Variants in WASL observed in about 807,000 individuals in gnomAD.
The protein encoded by WASL is actin nucleation-promoting factor WASL.
In WASL, 20 loss-of-function variants were observed where a neutral mutation model predicts 55.5. The observed-to-expected ratio is 0.36, with a 90% CI of 0.25 to 0.52. The LOEUF is 0.52. Among genes scored for constraint, WASL ranks in the 20% least tolerant of loss-of-function variants. The probability of loss-of-function intolerance (pLI) is 0.92; values close to 1 mark genes in which losing one functional copy is unlikely to be tolerated. For synonymous variants in WASL, 249 were observed against 217.6 expected, an observed-to-expected ratio of 1.14 and a Z score of -1.27; for missense variants, 504 against 622.5, an observed-to-expected ratio of 0.81 and a Z score of 2.03.
At chr7:123,689,180 A>G in intron 9 of WASL, 30 bp from the exon 10 acceptor site, 1 of 1,572,696 alleles carries the variant, frequency 6.4e-7, no homozygotes, top group Non-Finnish European at 8.7e-7. Context: ...AAAACTCAGT[A>G]ATAAATCTTT....
At chr7:123,720,144 T>C (rs1005937952) in intron 1 of WASL, among the ~76,000 whole-genome samples, 3 of 152,200 alleles carry the variant, frequency 2.0e-5, no homozygotes, top group Admixed American at 6.5e-5. Context: ...GTAACGTGTT[T>C]GATCTATTTA....
At chr7:123,711,406 T>C (rs1803755644) in intron 1 of WASL, among the ~76,000 whole-genome samples, 1 of 152,172 alleles carries the variant, frequency 6.6e-6, no homozygotes, top group African/African-American at 2.4e-5. Context: ...TACTGCATTA[T>C]AAACATTAAA....
At chr7:123,717,625 T>C (rs1482148769) in intron 1 of WASL, among the ~76,000 whole-genome samples, 1 of 152,156 alleles carries the variant, frequency 6.6e-6, no homozygotes, top group Non-Finnish European at 1.5e-5. Flanking sequence ...TCCAAACAAA[T>C]GAGATGTAAA....
At chr7:123,688,847 CAG>C (rs1803344915) in intron 10 of WASL, among the ~76,000 whole-genome samples, 193 bp downstream of exon 10, 1 of 152,130 alleles carries the variant, frequency 6.6e-6, no homozygotes, top group South Asian at 2.1e-4. Context: ...TGTTAAGTCT[CAG>C]AGAGACTAGT....
At chr7:123,740,223 A>G (rs1804314334) in intron 1 of WASL, among the ~76,000 whole-genome samples, 1 of 151,928 alleles carries the variant, frequency 6.6e-6, no homozygotes, top group Admixed American at 6.6e-5. Context: ...TATCTTTTAT[A>G]TATATATCTT....
At chr7:123,723,629 C>G (rs1299566169) in intron 1 of WASL, among the ~76,000 whole-genome samples, 1 of 152,174 alleles carries the variant, frequency 6.6e-6, no homozygotes, top group Non-Finnish European at 1.5e-5. Flanking sequence ...TAAGCTCAAT[C>G]AATTAAATTA....
intron 1 of WASL, among the ~76,000 whole-genome samples, chr7:123,746,498 G>A (rs532407957): frequency 1.3e-5 from 2 of 152,230 alleles, no homozygotes; most frequent in South Asian, 4.1e-4. Context: ...AGCCAAGGGA[G>A]GAAAAGATTA....
intron 5 of WASL, among the ~76,000 whole-genome samples, chr7:123,700,101 G>A (rs1382653770): frequency 3.5e-5 from 5 of 141,484 alleles, no homozygotes; most frequent in Non-Finnish European, 6.1e-5. Context: ...GCGTGAACCC[G>A]GGAGGAGGAG....
intron 1 of WASL, among the ~76,000 whole-genome samples, chr7:123,730,388 A>G (rs1804117263): frequency 1.3e-5 from 2 of 152,196 alleles, no homozygotes; most frequent in South Asian, 4.1e-4. Context: ...GCTTTTAGAT[A>G]AATAAAATTA....
chr7:123,729,240 TAAATG>T (rs1180087491), intron 1 of WASL, among the ~76,000 whole-genome samples: 1 of 152,222 alleles, frequency 6.6e-6, no homozygotes, highest in Non-Finnish European at 1.5e-5. Flanking sequence ...TAATCAATAT[TAAATG>T]AAATAGTTTA....
At chr7:123,693,194 T>G (rs974080399) in intron 8 of WASL, among the ~76,000 whole-genome samples, 3 of 152,154 alleles carry the variant, frequency 2.0e-5, no homozygotes, top group African/African-American at 4.8e-5. Context: ...AATATACCAA[T>G]GAAATTAAAC....
intron 1 of WASL, among the ~76,000 whole-genome samples, chr7:123,744,318 A>G (rs529956915): frequency 6.6e-6 from 1 of 152,358 alleles, no homozygotes; most frequent in Admixed American, 6.5e-5. Context: ...TAATCAAGCA[A>G]TAAGAAACGC....
intron 5 of WASL, among the ~76,000 whole-genome samples, chr7:123,702,271 G>T (rs1229171884): frequency 1.3e-5 from 2 of 152,058 alleles, no homozygotes; most frequent in Non-Finnish European, 2.9e-5. Flanking sequence ...GGCCAGGCTG[G>T]TCTTGAACTC....
At chr7:123,707,550 G>A (rs549549142) in intron 2 of WASL, among the ~76,000 whole-genome samples, 1 of 152,304 alleles carries the variant, frequency 6.6e-6, no homozygotes, top group East Asian at 1.9e-4. Flanking sequence ...TTGGAAATAA[G>A]TGGTTAGAGA....
At chr7:123,727,171 C>T (rs556255560) in intron 1 of WASL, among the ~76,000 whole-genome samples, 3 of 152,102 alleles carry the variant, frequency 2.0e-5, no homozygotes, top group Non-Finnish European at 4.4e-5. Flanking sequence ...AACAAAAGGA[C>T]TGACCACATA....
intron 10 of WASL, 125 bp downstream of exon 10, chr7:123,688,917 T>C (rs1398863824): frequency 3.4e-6 from 3 of 871,984 alleles, no homozygotes; most frequent in African/African-American, 3.3e-5. Context: ...AGTTACTCAA[T>C]TAGCAGAGAG....
intron 10 of WASL, among the ~76,000 whole-genome samples, chr7:123,685,596 T>A (rs1318161482): frequency 6.6e-6 from 1 of 152,028 alleles, no homozygotes; most frequent in East Asian, 1.9e-4. Context: ...TATCACTTGC[T>A]AATATCTAAA....
At chr7:123,709,881 G>A (rs1346276480) in intron 1 of WASL, among the ~76,000 whole-genome samples, 1 of 152,132 alleles carries the variant, frequency 6.6e-6, no homozygotes, top group Non-Finnish European at 1.5e-5. Context: ...CAGTTTTAAT[G>A]CTATACTGAG....
chr7:123,707,520 G>A (rs568464503), intron 2 of WASL, among the ~76,000 whole-genome samples: 15 of 152,258 alleles, frequency 9.9e-5, no homozygotes, highest in South Asian at 4.1e-4. Context: ...CAAAGGTGAC[G>A]AATTATGAGT....
Sources: allele counts gnomAD v4.1 joint callset (sites outside exome capture counted in the v4.1 genomes callset), GRCh38; gene constraint gnomAD v4.1.1; transcripts MANE v1.5; gene names NCBI Gene and HGNC (gene_info 2026-07-23, HGNC 2026-07-21).